The following NPAS3 variants were observed in gnomAD, a reference collection of about 807,000 sequenced individuals.
NPAS3 encodes neuronal PAS domain-containing protein 3.
NPAS3 carries 14 observed loss-of-function variants against 73.1 expected under a neutral mutation model. The observed-to-expected ratio is 0.19, with a 90% CI of 0.13 to 0.30. The LOEUF is 0.30. NPAS3 is among the 10% of genes least tolerant of loss of function. The probability of loss-of-function intolerance (pLI) is 1.00; values close to 1 mark genes in which losing one functional copy is unlikely to be tolerated. For missense variants in NPAS3, 1,096 were observed against 1,250.0 expected, an observed-to-expected ratio of 0.88 and a Z score of 1.86; for synonymous variants, 620 against 541.5, an observed-to-expected ratio of 1.14 and a Z score of -2.01.
rs539847724 is a variant in NPAS3, at chr14:33,454,185, T to A, written c.468+86917T>A. 6.6e-5 allele frequency among the ~76,000 whole-genome samples: 10 copies of A among 152,350 alleles called. No individual in the cohort carries two copies. In the South Asian group the frequency reaches 1.0e-3, roughly 16 times the overall value. ...GATGGATTGTTCTATGTTTTCTATA[T>A]TTACAGTGCCAGTAAGTGTATATTA... On this transcript the variant is annotated intron_variant, in intron 4 of 11. Transcript: ENST00000356141.
intron 1 of NPAS3, among the ~76,000 whole-genome samples, chr14:32,963,760 A>G (rs1566406613): frequency 1.3e-5 from 2 of 152,200 alleles, no homozygotes; most frequent in African/African-American, 2.4e-5. Flanking sequence ...AGATGATTCA[A>G]TTAGGTAATG....
chr14:33,625,345 C>T (rs7149836), intron 5 of NPAS3, among the ~76,000 whole-genome samples: 29,451 of 152,142 alleles, frequency 0.19, 4,208 homozygotes, highest in African/African-American at 0.41. Context: ...AGTCAACATA[C>T]AGGAAATTCT....
At chr14:33,746,749 T>C (rs1175858761) in intron 7 of NPAS3, among the ~76,000 whole-genome samples, 2 of 151,790 alleles carry the variant, frequency 1.3e-5, no homozygotes, top group Non-Finnish European at 2.9e-5. Flanking sequence ...ATTTCTTTTT[T>C]TATTATTATT....
At chr14:33,529,518 A>G (rs1270686581) in intron 4 of NPAS3, among the ~76,000 whole-genome samples, 1 of 152,118 alleles carries the variant, frequency 6.6e-6, no homozygotes, top group Non-Finnish European at 1.5e-5. Context: ...ATGAAGAAGC[A>G]ATGCAAAAGT....
intron 6 of NPAS3, among the ~76,000 whole-genome samples, chr14:33,694,102 T>C (rs999425250): frequency 6.6e-6 from 1 of 152,180 alleles, no homozygotes; most frequent in African/African-American, 2.4e-5. Context: ...TCAACATGTA[T>C]CAGTGCAAGG....
chr14:33,794,450 G>A (rs554081982), intron 10 of NPAS3, among the ~76,000 whole-genome samples: 77 of 152,264 alleles, frequency 5.1e-4, no homozygotes, highest in African/African-American at 1.8e-3. Flanking sequence ...AAACAGAGCG[G>A]GAGAAAAGTG....
At chr14:33,499,659 A>C (rs2052414126) in intron 4 of NPAS3, among the ~76,000 whole-genome samples, 1 of 151,932 alleles carries the variant, frequency 6.6e-6, no homozygotes, top group African/African-American at 2.4e-5. Flanking sequence ...ACTTGCTTAA[A>C]TCTAGCATTT....
chr14:33,754,639 A>T (rs1200054527), intron 7 of NPAS3, among the ~76,000 whole-genome samples: 1 of 152,200 alleles, frequency 6.6e-6, no homozygotes, highest in Non-Finnish European at 1.5e-5. Context: ...AGAAAGACAG[A>T]GGTACAAACA....
chr14:33,445,703 A>G (rs2049455298), intron 4 of NPAS3, among the ~76,000 whole-genome samples: 1 of 152,214 alleles, frequency 6.6e-6, no homozygotes, highest in South Asian at 2.1e-4. Flanking sequence ...CATTTTCTAT[A>G]ACTACCATTT....
intron 6 of NPAS3, among the ~76,000 whole-genome samples, chr14:33,687,379 G>A (rs954112919): frequency 2.0e-5 from 3 of 152,140 alleles, no homozygotes; most frequent in African/African-American, 7.2e-5. Context: ...TAAAATACCA[G>A]TCTGCTAGCC....
At chr14:32,936,607 G>A (rs1379129004), upstream of NPAS3, among the ~76,000 whole-genome samples, 1 of 152,152 alleles carries the variant, frequency 6.6e-6, no homozygotes, top group African/African-American at 2.4e-5. Flanking sequence ...GTGAAGTAGG[G>A]AGTCAAGGGT....
chr14:33,602,977 C>G, intron 5 of NPAS3, among the ~76,000 whole-genome samples: 1 of 152,138 alleles, frequency 6.6e-6, no homozygotes, highest in East Asian at 1.9e-4. Context: ...GTAAAATTCA[C>G]AATGTCACTT....
intron 4 of NPAS3, among the ~76,000 whole-genome samples, chr14:33,386,026 G>T (rs1019465626): frequency 6.6e-6 from 1 of 151,894 alleles, no homozygotes; most frequent in Non-Finnish European, 1.5e-5. Flanking sequence ...GAATGTATAC[G>T]TACAGATAAG....
Position 33,704,256 on chromosome 14 carries a change from T to C in NPAS3, c.733+27871T>C, listed in dbSNP as rs576345136. Among the ~76,000 whole-genome samples the C allele has an allele frequency of 3.9e-3, 589 of 152,282 alleles. 2 individuals carry two copies. The highest frequency in any genetic ancestry group is 0.013 in the African/African-American group (559 of 41,588). The stretch of plus-strand genomic sequence containing the variant: ...TGAAAGTGTGTGTACATATAAATTA[T>C]AATGTGTGTGTACATATAATTTTTA... On this transcript the variant is annotated intron_variant, in intron 6 of 11. Transcript: ENST00000356141.
chr14:33,462,274 A>G (rs1230144208), intron 4 of NPAS3, among the ~76,000 whole-genome samples: 3 of 152,116 alleles, frequency 2.0e-5, no homozygotes, highest in African/African-American at 7.2e-5. Context: ...AAGGCACGAG[A>G]CCAGCTAATC....
intron 1 of NPAS3, among the ~76,000 whole-genome samples, chr14:33,036,897 A>G (rs1256648425): frequency 1.3e-5 from 2 of 152,212 alleles, no homozygotes; most frequent in East Asian, 1.9e-4. Flanking sequence ...AGATCTAGGT[A>G]TCTTACTTAA....
At chr14:33,479,231 T>A (rs1830777377) in intron 4 of NPAS3, among the ~76,000 whole-genome samples, 1 of 152,218 alleles carries the variant, frequency 6.6e-6, no homozygotes, top group Non-Finnish European at 1.5e-5. Context: ...ATGCTTTTCC[T>A]TTTTAATGTT....
intron 3 of NPAS3, among the ~76,000 whole-genome samples, chr14:33,219,657 T>G (rs989833809): frequency 1.3e-5 from 2 of 152,172 alleles, no homozygotes; most frequent in African/African-American, 4.8e-5. Context: ...ACTTGCAGGC[T>G]TGTATTTAAG....
chr14:33,549,392 C>A (rs984066273), intron 4 of NPAS3, among the ~76,000 whole-genome samples: 3 of 152,042 alleles, frequency 2.0e-5, no homozygotes, highest in African/African-American at 7.2e-5. Flanking sequence ...GCACCAGAGC[C>A]GGCTACATTT....
Sources: gnomAD v4.1 joint callset for allele counts (sites outside exome capture counted in the v4.1 genomes callset) on GRCh38, gnomAD v4.1.1 for gene constraint, MANE v1.5 for transcripts, NCBI Gene and HGNC (gene_info 2026-07-23, HGNC 2026-07-21) for gene names.